TNNI3K: variants seen among roughly 807,000 people sequenced by gnomAD.
TNNI3K encodes serine/threonine-protein kinase TNNI3K.
A neutral mutation model predicts 114.5 loss-of-function variants in TNNI3K; 140 were observed. The ratio of observed to expected loss-of-function variants is 1.22; its 90% CI spans 1.07 to 1.41. The LOEUF (loss-of-function observed/expected upper bound fraction) is 1.41. Ranked by LOEUF, TNNI3K falls within the 40% of genes most tolerant of loss-of-function variation. The pLI, the probability that TNNI3K is intolerant of heterozygous loss-of-function variation, is 0.00. For missense variants in TNNI3K, 1,125 were observed against 1,007.6 expected, an observed-to-expected ratio of 1.12 and a Z score of -1.58; for synonymous variants, 347 against 347.5, an observed-to-expected ratio of 1.00 and a Z score of 0.02.
At chr1:74,352,693 G>A (rs1264824523) in intron 9 of TNNI3K, among the ~76,000 whole-genome samples, 2 of 152,174 alleles carry the variant, frequency 1.3e-5, no homozygotes, top group Non-Finnish European at 2.9e-5. Context: ...CAGCCTCGCT[G>A]CCACCTTGTA....
intron 4 of TNNI3K, among the ~76,000 whole-genome samples, chr1:74,260,324 GA>G (rs1236443952): frequency 2.0e-5 from 3 of 152,098 alleles, no homozygotes; most frequent in Non-Finnish European, 1.5e-5. Flanking sequence ...TACTTGTTTG[GA>G]AATTAGTGAG....
chr1:74,414,830 A>G (rs79646792), intron 17 of TNNI3K, among the ~76,000 whole-genome samples: 2,586 of 152,272 alleles, frequency 0.017, 36 homozygotes, highest in Non-Finnish European at 0.029. Context: ...CTGGACTATC[A>G]TAGTAAATTC....
At chr1:74,264,820 C>A (rs1196703792) in intron 4 of TNNI3K, among the ~76,000 whole-genome samples, 3 of 151,910 alleles carry the variant, frequency 2.0e-5, no homozygotes, top group African/African-American at 7.2e-5. Flanking sequence ...AGAAGTAGGC[C>A]AATCTTGGGG....
chr1:74,353,573 A>C (rs1296056184), intron 10 of TNNI3K, among the ~76,000 whole-genome samples: 2 of 151,840 alleles, frequency 1.3e-5, no homozygotes, highest in Non-Finnish European at 2.9e-5. Context: ...AATTATTTGC[A>C]GTCAGTGCAT....
At position 74,395,181 on chromosome 1, in the gene TNNI3K, T is replaced by C. The variant is rs575263889; in HGVS notation, c.1772+24789T>C. On this transcript the variant is annotated intron_variant, in intron 17 of 24. Coordinates refer to ENST00000326637, the MANE Select transcript of TNNI3K (RefSeq NM_015978.3). ...ACAAGCAATTTAGGGGATAAATTGC[T>C]TGTTGTAACCATGCTGGGGGTGCCT... Among the ~76,000 whole-genome samples, 5 of 152,248 alleles carry C rather than the reference T, an allele frequency of 3.3e-5. No homozygotes were observed. The South Asian group carries it at 1.0e-3, about 32-fold the overall frequency.
At chr1:74,469,764 G>A (rs949292417) in intron 21 of TNNI3K, 50 of 396,782 alleles carry the variant, frequency 1.3e-4, no homozygotes, top group African/African-American at 1.0e-3. Context: ...TACTGAGGAC[G>A]TTGTTGTCCT....
Position 74,465,044 on chromosome 1 carries a change from C to T in TNNI3K, c.2121+1494C>T, listed in dbSNP as rs1667607779. ...CATTTTCTTGTATTTCAGTGTGAAC[C>T]TCAGAAAAAGTATGTCAAGCACCTA... On this transcript the variant is annotated intron_variant, in intron 21 of 24. Coordinates refer to ENST00000326637, the MANE Select transcript of TNNI3K (RefSeq NM_015978.3). 3 of 1,044,784 alleles carry T rather than the reference C, an allele frequency of 2.9e-6. No homozygotes were observed. The South Asian group carries it at 1.2e-4, about 41-fold the overall frequency. 64.7% of individuals were successfully genotyped at this position (1,044,784 alleles called of 1,614,324 possible).
Position 74,439,479 on chromosome 1 carries a change from T to C in TNNI3K, c.1879-11T>C, listed in dbSNP as rs750028090. ...TTGGTAAATGGCTTGTGGATGTTTC[T>C]TGATGTGCAGAACCTCCGTTGGATG... On this transcript the variant is annotated splice_polypyrimidine_tract_variant and intron_variant, in intron 19 of 24. Transcript: ENST00000326637. 4 of 1,609,938 alleles carry C rather than the reference T, an allele frequency of 2.5e-6. No homozygotes were observed. The highest frequency in any genetic ancestry group is 2.2e-5 in the South Asian group (2 of 90,332).
chr1:74,529,598 A>G (rs1646554414), intron 23 of TNNI3K, among the ~76,000 whole-genome samples: 2 of 152,186 alleles, frequency 1.3e-5, no homozygotes, highest in Non-Finnish European at 2.9e-5. Context: ...GGAAGAATCA[A>G]ATGATTGTAT....
intron 5 of TNNI3K, among the ~76,000 whole-genome samples, chr1:74,326,001 C>CAATAAT (rs1454238532): frequency 6.6e-6 from 1 of 151,940 alleles, no homozygotes; most frequent in African/African-American, 2.4e-5. Flanking sequence ...CTATAAATCT[C>CAATAAT]AATAATAAAG....
At chr1:74,485,480 G>A (rs554320467) in intron 21 of TNNI3K, among the ~76,000 whole-genome samples, 6 of 152,280 alleles carry the variant, frequency 3.9e-5, no homozygotes, top group Admixed American at 2.0e-4. Flanking sequence ...TCTCTACTGC[G>A]TATTTGTGAT....
intron 19 of TNNI3K, among the ~76,000 whole-genome samples, chr1:74,438,587 T>A (rs185890748): frequency 6.6e-6 from 1 of 152,188 alleles, no homozygotes; most frequent in Admixed American, 6.5e-5. Context: ...CATGACATAC[T>A]GAACAGCTAC....
intron 23 of TNNI3K, among the ~76,000 whole-genome samples, chr1:74,525,474 C>T (rs1239873807): frequency 1.3e-5 from 2 of 152,194 alleles, no homozygotes; most frequent in African/African-American, 4.8e-5. Flanking sequence ...TCCCTGACCA[C>T]TTGGCCAACT....
intron 23 of TNNI3K, among the ~76,000 whole-genome samples, chr1:74,528,487 T>G (rs1023633926): frequency 6.6e-6 from 1 of 152,102 alleles, no homozygotes; most frequent in Non-Finnish European, 1.5e-5. Context: ...TATTTGTGTG[T>G]GTGTTGGAGT....
intron 20 of TNNI3K, among the ~76,000 whole-genome samples, chr1:74,451,740 TTTC>T (rs1362835841): frequency 0.015 from 724 of 47,610 alleles, 9 homozygotes; most frequent in African/African-American, 0.027. Flanking sequence ...TCTTTCTTTC[TTTC>T]TTTCTTTTCT....
chr1:74,489,001 G>A (rs1356177845), intron 21 of TNNI3K, among the ~76,000 whole-genome samples, 188 bp from the exon 22 acceptor site: 2 of 152,126 alleles, frequency 1.3e-5, no homozygotes, highest in Non-Finnish European at 2.9e-5. Context: ...ATCAGAGGGA[G>A]ACTCAACATC....
At chr1:74,480,269 C>G (rs1557594619) in intron 21 of TNNI3K, 1 of 717,428 alleles carries the variant, frequency 1.4e-6, no homozygotes, top group African/African-American at 1.7e-5. Flanking sequence ...CTCAGACAGC[C>G]TCAGCACACT....
intron 23 of TNNI3K, among the ~76,000 whole-genome samples, chr1:74,503,776 T>A (rs1227645493): frequency 6.6e-6 from 1 of 152,218 alleles, no homozygotes; most frequent in African/African-American, 2.4e-5. Flanking sequence ...AGCTCATAAC[T>A]TCTTGAAATG....
At chr1:74,282,533 G>C (rs1043430737) in intron 5 of TNNI3K, among the ~76,000 whole-genome samples, 7 of 151,818 alleles carry the variant, frequency 4.6e-5, no homozygotes, top group Non-Finnish European at 8.8e-5. Context: ...CTACCCTAAT[G>C]ACCTTATTTT....
Sources: gnomAD v4.1 joint callset for allele counts (sites outside exome capture counted in the v4.1 genomes callset) on GRCh38, gnomAD v4.1.1 for gene constraint, MANE v1.5 for transcripts, NCBI Gene and HGNC (gene_info 2026-07-23, HGNC 2026-07-21) for gene names.